AFG2B: variants seen among roughly 807,000 people sequenced by gnomAD.
AFG2B encodes ATPase family gene 2 protein homolog B.
the AFG2B span, among the ~76,000 whole-genome samples, chr15:45,407,500 T>C: frequency 6.6e-6 from 1 of 152,266 alleles, no homozygotes; most frequent in African/African-American, 2.4e-5. Flanking sequence ...GATTAGTTAA[T>C]ATTTGGACAT....
At chr15:45,419,522 C>G in the AFG2B span, among the ~76,000 whole-genome samples, 1 of 151,458 alleles carries the variant, frequency 6.6e-6, no homozygotes, top group Admixed American at 6.6e-5. Flanking sequence ...TCCTTGTAAA[C>G]CACTCTAAGA....
the AFG2B span, chr15:45,417,428 A>C: frequency 5.0e-6 from 8 of 1,610,142 alleles, no homozygotes; most frequent in Non-Finnish European, 5.9e-6. Context: ...ACTCTGTGTG[A>C]GCTCAGCAGA....
At chr15:45,403,217 T>A in the AFG2B span, 1 of 1,508,508 alleles carries the variant, frequency 6.6e-7, no homozygotes. Flanking sequence ...GCGGAGCTGC[T>A]GGCAGTCAGC....
the AFG2B span, chr15:45,418,715 A>G: frequency 9.4e-6 from 15 of 1,602,138 alleles, no homozygotes; most frequent in Non-Finnish European, 1.3e-5. Flanking sequence ...TTGTGGTTCA[A>G]AACATTTCTG....
At chr15:45,418,536 C>T in the AFG2B span, 2 of 1,569,270 alleles carry the variant, frequency 1.3e-6, no homozygotes, top group Non-Finnish European at 1.7e-6. Context: ...ATTTAAAATA[C>T]TGTTTTTTAT....
the AFG2B span, chr15:45,403,512 C>G: frequency 1.2e-6 from 2 of 1,602,578 alleles, no homozygotes; most frequent in Non-Finnish European, 1.7e-6. Flanking sequence ...GGAGATTTGA[C>G]CGAGAGGTGA....
At chr15:45,414,679 G>A in the AFG2B span, 21 of 1,614,064 alleles carry the variant, frequency 1.3e-5, no homozygotes, top group African/African-American at 2.7e-5. Flanking sequence ...AACCACTCTG[G>A]TGAGGGCCCT....
chr15:45,414,127 G>A, the AFG2B span, among the ~76,000 whole-genome samples: 11 of 152,148 alleles, frequency 7.2e-5, no homozygotes, highest in African/African-American at 2.4e-4. Context: ...GTGAGTAGGA[G>A]GAGGGGGTTC....
At chr15:45,415,787 CA>C in the AFG2B span, 1 of 1,611,676 alleles carries the variant, frequency 6.2e-7, no homozygotes. Flanking sequence ...AGGGTAAATA[CA>C]AGGAGCTGAA....
At chr15:45,411,266 G>A in the AFG2B span, among the ~76,000 whole-genome samples, 1 of 152,120 alleles carries the variant, frequency 6.6e-6, no homozygotes, top group Non-Finnish European at 1.5e-5. Context: ...GATCTCTTGA[G>A]GCCAAGAGTT....
chr15:45,406,951 G>A, the AFG2B span: 2 of 1,139,412 alleles, frequency 1.8e-6, no homozygotes, highest in African/African-American at 3.2e-5. Context: ...TGTGAGAATA[G>A]ATGTCTTTTG....
At chr15:45,414,781 G>T in the AFG2B span, 1 of 1,612,734 alleles carries the variant, frequency 6.2e-7, no homozygotes, top group East Asian at 2.2e-5. Flanking sequence ...GTTGTCTCAG[G>T]TTTGTTTATT....
the AFG2B span, among the ~76,000 whole-genome samples, chr15:45,420,547 ATGTAAAGAGGTTATGGTC>A: frequency 2.0e-5 from 3 of 152,154 alleles, no homozygotes; most frequent in Non-Finnish European, 4.4e-5. Context: ...TTTCCCATTA[ATGTAAAGAGGTTATGGTC>A]TGCAAAGTGG....
At chr15:45,404,659 T>C in the AFG2B span, among the ~76,000 whole-genome samples, 6 of 151,824 alleles carry the variant, frequency 4.0e-5, no homozygotes, top group South Asian at 2.1e-4. Flanking sequence ...ATACAAAAAA[T>C]AAGCCGGGCA....
At chr15:45,403,513 CGA>C in the AFG2B span, 4 of 1,602,708 alleles carry the variant, frequency 2.5e-6, no homozygotes, top group Non-Finnish European at 2.6e-6. Flanking sequence ...GAGATTTGAC[CGA>C]GAGGTGAATG....
the AFG2B span, among the ~76,000 whole-genome samples, chr15:45,415,405 C>A: frequency 1.5e-4 from 23 of 148,462 alleles, no homozygotes; most frequent in Non-Finnish European, 5.9e-5. Flanking sequence ...GACTGAGGCA[C>A]AAGAATTGCT....
chr15:45,421,322 T>C, the AFG2B span: 11 of 744,688 alleles, frequency 1.5e-5, no homozygotes, highest in Non-Finnish European at 1.4e-5. Context: ...AGTGAATAAA[T>C]AAAACAAAAC....
chr15:45,402,730 C>CT, the AFG2B span: 4 of 1,565,520 alleles, frequency 2.6e-6, no homozygotes, highest in Non-Finnish European at 3.4e-6. Context: ...TCGCCTCCTC[C>CT]TAGTGCCCTG....
the AFG2B span, chr15:45,421,131 C>T: frequency 3.2e-5 from 52 of 1,612,738 alleles, no homozygotes; most frequent in Admixed American, 1.0e-4. Flanking sequence ...ACTGTAAAAC[C>T]GTCGTTAAGT....
Sources: gnomAD v4.1 joint callset for allele counts (sites outside exome capture counted in the v4.1 genomes callset) on GRCh38, gnomAD v4.1.1 for gene constraint, MANE v1.5 for transcripts, NCBI Gene and HGNC (gene_info 2026-07-23, HGNC 2026-07-21) for gene names.